ADAMTS3: variants seen among roughly 807,000 people sequenced by gnomAD.
ADAMTS3 encodes the protein ADAM metallopeptidase with thrombospondin type 1 motif 3.
In ADAMTS3, 73 loss-of-function variants were observed where a neutral mutation model predicts 129.0. The observed-to-expected ratio is 0.57, with a 90% CI of 0.47 to 0.69. The LOEUF is 0.69. Among genes scored for constraint, ADAMTS3 ranks in the 30% least tolerant of loss-of-function variants. ADAMTS3 has a pLI of 0.00. For synonymous variants in ADAMTS3, 477 were observed against 510.8 expected (o/e 0.93, Z 0.89); for missense variants, 1,457 against 1,514.5 (o/e 0.96, Z 0.63).
At position 72,318,581 on chromosome 4, in the gene ADAMTS3, C is replaced by T. The variant is rs769456533; in HGVS notation, c.1476G>A (p.Met492Ile). 1.2e-6 allele frequency: 2 copies of T among 1,613,060 alleles called. No individual in the cohort carries two copies. The highest frequency in any genetic ancestry group is 1.3e-5 in the African/African-American group (1 of 74,946). Residue 492 changes from methionine (M) to isoleucine (I), a missense_variant, in exon 10 of 22, where the codon ATG becomes ATA. Coordinates refer to ENST00000286657, the MANE Select transcript of ADAMTS3 (RefSeq NM_014243.3). ...ACTGTGAGCAACATACCGCGGTGCA[C>T]ATTTTATAGCCAACACCAAAATCAA... ...CRFDFGVGYKMCTAFRTFDPC... is the reference protein window; with the variant it reads ...CRFDFGVGYKICTAFRTFDPC...
At chr4:72,456,581 T>G (rs1381571203) in intron 3 of ADAMTS3, among the ~76,000 whole-genome samples, 1 of 151,010 alleles carries the variant, frequency 6.6e-6, no homozygotes, top group African/African-American at 2.4e-5. Context: ...ATACAAAGGA[T>G]AAATATATTT....
At chr4:72,497,980 A>C (rs1361046920) in intron 3 of ADAMTS3, among the ~76,000 whole-genome samples, 2 of 152,066 alleles carry the variant, frequency 1.3e-5, no homozygotes, top group East Asian at 3.8e-4. Flanking sequence ...GGCAATTTGT[A>C]AAATGTCAAT....
At chr4:72,498,102 T>C (rs1001185729) in intron 3 of ADAMTS3, among the ~76,000 whole-genome samples, 3 of 152,042 alleles carry the variant, frequency 2.0e-5, no homozygotes, top group Non-Finnish European at 4.4e-5. Flanking sequence ...AGTATATAAC[T>C]AAGTGTTTTC....
At chr4:72,508,507 TTAA>T (rs1720224014) in intron 3 of ADAMTS3, among the ~76,000 whole-genome samples, 1 of 152,044 alleles carries the variant, frequency 6.6e-6, no homozygotes, top group South Asian at 2.1e-4. Context: ...TTTCATTTCC[TTAA>T]TAAGTTTTTC....
Position 72,428,087 on chromosome 4 carries a change from C to G in ADAMTS3, c.505-13116G>C, listed in dbSNP as rs181570262. Among the ~76,000 whole-genome samples the G allele has an allele frequency of 1.2e-3, 181 of 151,972 alleles. 1 individual carries two copies. The highest frequency in any genetic ancestry group is 4.0e-3 in the African/African-American group (165 of 41,470). On this transcript the variant is annotated intron_variant, in intron 3 of 21. Transcript: ENST00000286657. Reference sequence around the variant, plus strand: ...CTGTGGCTTACCCATCGCTATTGTACTTGTGCAATTACAGGGGGAAAGGAT... The same window carrying G: ...CTGTGGCTTACCCATCGCTATTGTAGTTGTGCAATTACAGGGGGAAAGGAT...
chr4:72,357,390 ATACAT>A (rs1414345171), intron 4 of ADAMTS3, among the ~76,000 whole-genome samples: 2 of 151,962 alleles, frequency 1.3e-5, no homozygotes, highest in African/African-American at 2.4e-5. Flanking sequence ...TTACTATAAG[ATACAT>A]TACATTAGAG....
At chr4:72,381,869 G>A (rs147132222) in intron 4 of ADAMTS3, among the ~76,000 whole-genome samples, 1 of 152,278 alleles carries the variant, frequency 6.6e-6, no homozygotes, top group African/African-American at 2.4e-5. Flanking sequence ...TTGATAACCA[G>A]GAAGTTTGAA....
At chr4:72,300,102 C>CT (rs1467686827) in intron 17 of ADAMTS3, among the ~76,000 whole-genome samples, 4 of 152,042 alleles carry the variant, frequency 2.6e-5, no homozygotes, top group African/African-American at 4.8e-5. Context: ...CTTTTATTCT[C>CT]TTTTTTCTGT....
intron 3 of ADAMTS3, among the ~76,000 whole-genome samples, chr4:72,527,813 G>C (rs1720854062): frequency 6.6e-6 from 1 of 152,156 alleles, no homozygotes; most frequent in Admixed American, 6.5e-5. Flanking sequence ...GAGGAAGGAA[G>C]GACAGGGATT....
intron 3 of ADAMTS3, among the ~76,000 whole-genome samples, chr4:72,469,116 A>G (rs1332907792): frequency 6.6e-6 from 1 of 152,158 alleles, no homozygotes; most frequent in Non-Finnish European, 1.5e-5. Context: ...CTAGTGGATG[A>G]ATGAATACAA....
chr4:72,504,296 G>GA (rs1421131177), intron 3 of ADAMTS3, among the ~76,000 whole-genome samples: 12 of 152,166 alleles, frequency 7.9e-5, no homozygotes, highest in South Asian at 2.1e-4. Context: ...TTGCTTGTCT[G>GA]AAAAAATATT....
chr4:72,403,023 A>AT (rs907914978), intron 4 of ADAMTS3, among the ~76,000 whole-genome samples: 6 of 152,020 alleles, frequency 3.9e-5, no homozygotes, highest in African/African-American at 1.2e-4. Flanking sequence ...TCTCATCCTC[A>AT]TTTGTTTATT....
chr4:72,421,481 C>T (rs556498288), intron 3 of ADAMTS3, among the ~76,000 whole-genome samples: 1 of 152,268 alleles, frequency 6.6e-6, no homozygotes, highest in East Asian at 1.9e-4. Context: ...GAAAATAAAA[C>T]ACCTTAGATT....
chr4:72,552,221 G>A (rs1009749346), intron 2 of ADAMTS3, among the ~76,000 whole-genome samples: 4 of 152,140 alleles, frequency 2.6e-5, no homozygotes, highest in African/African-American at 9.7e-5. Context: ...GTCCACTTGT[G>A]ATCTTCAGCA....
intron 4 of ADAMTS3, among the ~76,000 whole-genome samples, chr4:72,406,383 G>A (rs906514940): frequency 1.3e-5 from 2 of 152,044 alleles, no homozygotes; most frequent in Admixed American, 1.3e-4. Flanking sequence ...TAAGATAACG[G>A]AACTACTTTT....
intron 3 of ADAMTS3, among the ~76,000 whole-genome samples, chr4:72,475,039 A>G (rs1022438860): frequency 1.3e-5 from 2 of 151,888 alleles, no homozygotes; most frequent in Non-Finnish European, 2.9e-5. Flanking sequence ...AAAAAAAAAG[A>G]AAAAAGAATT....
chr4:72,513,962 AC>A (rs1210885561), intron 3 of ADAMTS3, among the ~76,000 whole-genome samples: 1 of 152,132 alleles, frequency 6.6e-6, no homozygotes, highest in Admixed American at 6.5e-5. Context: ...GAGTTATTTC[AC>A]TGAGGATAAA....
chr4:72,312,511 A>G (rs552967696), intron 12 of ADAMTS3, 45 bp from the exon 13 acceptor site: 2 of 1,591,898 alleles, frequency 1.3e-6, no homozygotes, highest in African/African-American at 2.7e-5. Flanking sequence ...GCTTCTGTCT[A>G]GCAGTTGAAG....
chr4:72,534,305 C>T (rs1721132307), intron 3 of ADAMTS3, among the ~76,000 whole-genome samples: 1 of 150,898 alleles, frequency 6.6e-6, no homozygotes, highest in South Asian at 2.1e-4. Context: ...CCAGCATGGG[C>T]GACAGAGCGA....
Sources: allele counts gnomAD v4.1 joint callset (sites outside exome capture counted in the v4.1 genomes callset), GRCh38; gene constraint gnomAD v4.1.1; transcripts MANE v1.5; gene names NCBI Gene and HGNC (gene_info 2026-07-23, HGNC 2026-07-21).